The following SLC30A8 variants were observed in gnomAD, a reference collection of about 807,000 sequenced individuals.
The protein encoded by SLC30A8 is solute carrier family 30 member 8, also known as proton-coupled zinc antiporter SLC30A8.
In SLC30A8, 27 loss-of-function variants were observed where a neutral mutation model predicts 36.9. That is an observed-to-expected ratio of 0.73 (90% CI 0.54 to 1.01). The LOEUF (loss-of-function observed/expected upper bound fraction) is 1.01, where lower values mean the gene tolerates loss of function less well. Among genes scored for constraint, SLC30A8 ranks in the 50% least tolerant of loss-of-function variants. SLC30A8 has a pLI of 0.00. For synonymous variants in SLC30A8, 164 were observed against 172.4 expected (o/e 0.95, Z 0.38); for missense variants, 439 against 452.0 (o/e 0.97, Z 0.26).
In SLC30A8 at chr8:117,147,167, C is replaced by T. The variant is rs774338536; in HGVS notation, c.271+14C>T. 1.2e-6 allele frequency: 2 copies of T among 1,610,970 alleles called. No individual in the cohort carries two copies. Among genetic ancestry groups the T allele is most frequent in the East Asian group, 2.2e-5 (1 of 44,844 alleles). ...CAGAGGTCGTGGGTGAGTCTTTCTG[C>T]AGACTTTTTTCATTAAACAACCAAA... On this transcript the variant is annotated intron_variant, in intron 2 of 7. Transcript: ENST00000456015.
intron 2 of SLC30A8, among the ~76,000 whole-genome samples, chr8:117,087,313 ATAGT>A (rs148002092): frequency 4.7e-4 from 72 of 152,324 alleles, no homozygotes; most frequent in African/African-American, 1.4e-3. Flanking sequence ...GAAGCAGATG[ATAGT>A]TAGGTATTTA....
chr8:117,157,950 C>A (rs1822585732), intron 4 of SLC30A8, 106 bp downstream of exon 4: 8 of 1,265,342 alleles, frequency 6.3e-6, no homozygotes, highest in Non-Finnish European at 8.8e-6. Flanking sequence ...ATGGTAGAGA[C>A]TGGACAGAGT....
chr8:117,163,532 T>TAGG lies in SLC30A8; in HGVS notation c.829+5_829+7dup. ...ACTTCTCCATCTTACTCATGGAAGG[T>TAGG]AGGAGTGATTTTATTATTACTCCCA... On this transcript the variant is annotated splice_region_variant and intron_variant, in intron 6 of 7. Transcript: ENST00000456015. 1 of 1,601,734 alleles carries TAGG rather than the reference T, an allele frequency of 6.2e-7. No individual in the cohort carries two copies. Among genetic ancestry groups the TAGG allele is most frequent in the South Asian group, 1.1e-5 (1 of 89,994 alleles).
At chr8:117,004,041 T>A (rs1816095864) in intron 1 of SLC30A8, among the ~76,000 whole-genome samples, 1 of 152,230 alleles carries the variant, frequency 6.6e-6, no homozygotes, top group Non-Finnish European at 1.5e-5. Flanking sequence ...ACATGGTGGA[T>A]GATATTGAAA....
chr8:117,082,402 G>C (rs1393207085), intron 2 of SLC30A8, among the ~76,000 whole-genome samples: 2 of 152,150 alleles, frequency 1.3e-5, no homozygotes, highest in Admixed American at 6.6e-5. Flanking sequence ...CACTTTCAAA[G>C]AATTTTAAGG....
chr8:117,010,271 G>A (rs201349366), intron 1 of SLC30A8, among the ~76,000 whole-genome samples: 1 of 152,184 alleles, frequency 6.6e-6, no homozygotes. Flanking sequence ...GGGTGAGGGA[G>A]CTCCCTTTGT....
chr8:116,982,931 G>A (rs910569259), intron 1 of SLC30A8, among the ~76,000 whole-genome samples: 1 of 152,010 alleles, frequency 6.6e-6, no homozygotes, highest in South Asian at 2.1e-4. Context: ...TCACTATCAG[G>A]GCCACACATT....
At chr8:117,003,732 GA>G (rs1476059556) in intron 1 of SLC30A8, among the ~76,000 whole-genome samples, 1 of 152,162 alleles carries the variant, frequency 6.6e-6, no homozygotes, top group Non-Finnish European at 1.5e-5. Flanking sequence ...AGGCTGTTTA[GA>G]ATCTTAGTAG....
intron 3 of SLC30A8, among the ~76,000 whole-genome samples, chr8:117,155,315 A>G (rs1822420212): frequency 6.6e-6 from 1 of 152,138 alleles, no homozygotes; most frequent in Admixed American, 6.5e-5. Context: ...GTTTTGAGTT[A>G]GACACACTCC....
intron 1 of SLC30A8, among the ~76,000 whole-genome samples, chr8:117,030,607 A>C (rs1817014737): frequency 6.6e-6 from 1 of 152,190 alleles, no homozygotes; most frequent in Non-Finnish European, 1.5e-5. Context: ...TTTGAAGAAA[A>C]ATATTGAAGC....
chr8:117,084,793 C>T (rs1818809547), intron 2 of SLC30A8, among the ~76,000 whole-genome samples: 1 of 152,148 alleles, frequency 6.6e-6, no homozygotes, highest in Non-Finnish European at 1.5e-5. Flanking sequence ...AAATCAAGGA[C>T]ATCGTGCCTC....
At chr8:117,163,571 C>T (rs1460149492) in intron 6 of SLC30A8, 41 bp downstream of exon 6, 1 of 1,448,244 alleles carries the variant, frequency 6.9e-7, no homozygotes, top group African/African-American at 1.4e-5. Flanking sequence ...TCAGTGTTTT[C>T]TCTTCCCTAG....
At chr8:117,015,539 C>CG (rs1393833376) in intron 1 of SLC30A8, among the ~76,000 whole-genome samples, 4 of 29,644 alleles carry the variant, frequency 1.3e-4, no homozygotes, top group Admixed American at 1.1e-3. Context: ...ATTATGCACC[C>CG]CCCCCCCCCA....
upstream of SLC30A8, among the ~76,000 whole-genome samples, chr8:117,133,732 G>C (rs563463937): frequency 1.3e-5 from 2 of 151,996 alleles, no homozygotes; most frequent in Non-Finnish European, 2.9e-5. Context: ...ATTCTTTTCT[G>C]GTTTTCTACT....
Position 117,172,876 on chromosome 8 carries a change from T to A in SLC30A8, c.*195T>A, listed in dbSNP as rs192702570. 4.3e-5 allele frequency: 27 copies of A among 625,532 alleles called. No individual in the cohort carries two copies. In the African/African-American group the frequency reaches 4.8e-4, roughly 11 times the overall value. 38.7% of individuals were successfully genotyped at this position (625,532 alleles called of 1,614,324 possible). ...AGATCCATCAATCAATTGGATTATA[T>A]ACTGATCAGTAGCTGTGTTCAATTG... On this transcript the variant is annotated 3_prime_UTR_variant, in exon 8 of 8. Transcript: ENST00000456015.
At chr8:116,982,800 T>A (rs1029490924) in intron 1 of SLC30A8, among the ~76,000 whole-genome samples, 1 of 152,092 alleles carries the variant, frequency 6.6e-6, no homozygotes, top group Non-Finnish European at 1.5e-5. Flanking sequence ...GCACATATAT[T>A]TTTTTAAAAA....
intron 2 of SLC30A8, among the ~76,000 whole-genome samples, chr8:117,042,918 C>T (rs1250476855): frequency 5.3e-5 from 8 of 152,180 alleles, no homozygotes; most frequent in Admixed American, 1.3e-4. Context: ...TCAGGTGATC[C>T]GCTGGCCTTG....
chr8:117,072,566 T>C (rs1007661901), intron 2 of SLC30A8, among the ~76,000 whole-genome samples: 3 of 152,208 alleles, frequency 2.0e-5, no homozygotes, highest in African/African-American at 4.8e-5. Flanking sequence ...TTTATATTTC[T>C]TTCTTACTTT....
rs546592160 is a variant in SLC30A8 at position 117,089,945 on chromosome 8, C to G, written c.-225-45335C>G. Among the ~76,000 whole-genome samples the G allele has an allele frequency of 1.1e-4, 17 of 152,150 alleles. 1 individual carries two copies. Among genetic ancestry groups the G allele is most frequent in the Admixed American group, 5.2e-4 (8 of 15,276 alleles). On this transcript the variant is annotated intron_variant, in intron 2 of 10. Coordinates refer to the SLC30A8 transcript ENST00000427715. ...CTGCACTTGGGATTTTACACGTGTTCTTTCTTCCTGAAACAATCTTGATAA... is the reference window on the plus strand; with the variant it reads ...CTGCACTTGGGATTTTACACGTGTTGTTTCTTCCTGAAACAATCTTGATAA...
Sources: gnomAD v4.1 joint callset for allele counts (sites outside exome capture counted in the v4.1 genomes callset) on GRCh38, gnomAD v4.1.1 for gene constraint, MANE v1.5 for transcripts, NCBI Gene and HGNC (gene_info 2026-07-23, HGNC 2026-07-21) for gene names.